The following DSCAM variants were observed in gnomAD, a reference collection of about 807,000 sequenced individuals.
DSCAM encodes the protein cell adhesion molecule DSCAM.
Under a neutral mutation model 217.7 loss-of-function variants are expected in DSCAM, and 47 were observed. The observed-to-expected ratio is 0.22, with a 90% CI of 0.17 to 0.28. The LOEUF (loss-of-function observed/expected upper bound fraction) is 0.28, where lower values mean the gene tolerates loss of function less well. Ranked by LOEUF, DSCAM falls within the 10% of genes least tolerant of loss-of-function variation. The pLI is 1.00. For synonymous variants in DSCAM, 1,056 were observed against 1,015.3 expected (o/e 1.04, Z -0.76); for missense variants, 2,080 against 2,618.3 (o/e 0.79, Z 4.49).
chr21:40,186,565 A>C (rs1333348554), intron 14 of DSCAM, among the ~76,000 whole-genome samples: 1 of 152,150 alleles, frequency 6.6e-6, no homozygotes, highest in African/African-American at 2.4e-5. Flanking sequence ...GGTCAGTTTT[A>C]TTTATGGGCT....
Position 40,667,737 on chromosome 21 carries a change from T to C in DSCAM, c.508+25073A>G, listed in dbSNP as rs1430110707. 3.3e-5 allele frequency among the ~76,000 whole-genome samples: 5 copies of C among 152,324 alleles called. No individual in the cohort carries two copies. The East Asian group carries it at 9.7e-4, about 29-fold the overall frequency. The stretch of plus-strand genomic sequence containing the variant: ...GCTTTTGCTTGGCACTTGTCTCTCC[T>C]GTCGCCATGTGAAGAAGGATGTGTT... On this transcript the variant is annotated intron_variant, in intron 3 of 32. Transcript: ENST00000400454.
chr21:40,197,130 C>T lies in DSCAM; in HGVS notation c.2357-7892G>A, dbSNP rs984703642. ...AATTTCTTTCTTTCTTTCTTTTTTT[C>T]TTTTTTGAGACGGAGTCTTGCTCTG... On this transcript the variant is annotated intron_variant, in intron 11 of 32. Transcript: ENST00000400454. Among the ~76,000 whole-genome samples the T allele has an allele frequency of 3.5e-3, 432 of 123,900 alleles. 1 individual carries two copies. The highest frequency in any genetic ancestry group is 0.022 in the African/African-American group (409 of 18,910). 81.3% of individuals were successfully genotyped at this position (123,900 alleles called of 152,430 possible).
chr21:40,543,341 C>T (rs1481959264), intron 3 of DSCAM, among the ~76,000 whole-genome samples: 1 of 152,170 alleles, frequency 6.6e-6, no homozygotes, highest in African/African-American at 2.4e-5. Context: ...GTTATGATGG[C>T]CACTGGGATC....
intron 27 of DSCAM, among the ~76,000 whole-genome samples, chr21:40,064,621 T>TAAC (rs1186615701): frequency 6.6e-6 from 1 of 152,124 alleles, no homozygotes; most frequent in East Asian, 1.9e-4. Flanking sequence ...TCCCTAAACC[T>TAAC]AACACTGACC....
chr21:40,148,701 C>T (rs1011019586), intron 16 of DSCAM, among the ~76,000 whole-genome samples: 1 of 152,082 alleles, frequency 6.6e-6, no homozygotes, highest in African/African-American at 2.4e-5. Context: ...GTCCCCCACA[C>T]AGCCAAGCCA....
chr21:40,065,893 A>T (rs1032228300), intron 27 of DSCAM, among the ~76,000 whole-genome samples: 1 of 152,212 alleles, frequency 6.6e-6, no homozygotes, highest in Non-Finnish European at 1.5e-5. Flanking sequence ...ATTAGCACAG[A>T]GAACCCACCT....
rs563855200 is a variant in DSCAM at position 40,304,793 on chromosome 21, T to G, written c.2062+7288A>C. On this transcript the variant is annotated intron_variant, in intron 9 of 32. Coordinates refer to ENST00000400454, the MANE Select transcript of DSCAM (RefSeq NM_001389.5). ...TGAGAAATGGAGACTGGGAAATGGT[T>G]GGTTAGTAGAGTGGTCAGAACACAC... Among the ~76,000 whole-genome samples the G allele has an allele frequency of 4.3e-4, 65 of 152,308 alleles. 1 individual carries two copies. The South Asian group carries it at 0.013, about 32-fold the overall frequency.
At chr21:40,304,960 A>C (rs1035270222) in intron 9 of DSCAM, among the ~76,000 whole-genome samples, 1 of 152,222 alleles carries the variant, frequency 6.6e-6, no homozygotes, top group African/African-American at 2.4e-5. Context: ...CAAATGTTGC[A>C]AGAATTACCA....
At chr21:40,244,923 T>C (rs1374161524) in intron 11 of DSCAM, among the ~76,000 whole-genome samples, 1 of 152,164 alleles carries the variant, frequency 6.6e-6, no homozygotes, top group Non-Finnish European at 1.5e-5. Flanking sequence ...ACAGTGCTCA[T>C]TTCCGCCGAC....
Position 40,090,228 on chromosome 21 carries a change from G to A in DSCAM, c.3851-2941C>T, listed in dbSNP as rs552570290. Among the ~76,000 whole-genome samples the A allele has an allele frequency of 1.1e-3, 166 of 152,122 alleles. 1 individual carries two copies. Among genetic ancestry groups the A allele is most frequent in the Non-Finnish European group, 2.0e-3 (138 of 68,004 alleles). On this transcript the variant is annotated intron_variant, in intron 21 of 32. Coordinates refer to ENST00000400454, the MANE Select transcript of DSCAM (RefSeq NM_001389.5). ...TCTCCCTCTCTACTGGGATCTTCCC[G>A]TTACCACATAAACATGCTCTGATGG...
chr21:40,544,696 G>C (rs2076567562), intron 3 of DSCAM, among the ~76,000 whole-genome samples: 1 of 152,162 alleles, frequency 6.6e-6, no homozygotes, highest in Non-Finnish European at 1.5e-5. Flanking sequence ...GGAACTGTGA[G>C]AATAATTTTT....
At chr21:40,369,644 AG>A (rs2074874419) in intron 3 of DSCAM, among the ~76,000 whole-genome samples, 1 of 152,164 alleles carries the variant, frequency 6.6e-6, no homozygotes, top group South Asian at 2.1e-4. Context: ...TGACAAATTA[AG>A]GGAATATTAA....
chr21:40,108,567 C>T (rs1397677956), intron 20 of DSCAM, among the ~76,000 whole-genome samples: 3 of 152,144 alleles, frequency 2.0e-5, no homozygotes, highest in African/African-American at 7.2e-5. Context: ...CTGAAAATGG[C>T]TATACTACCC....
chr21:40,836,168 A>T (rs573841529), intron 1 of DSCAM, among the ~76,000 whole-genome samples: 22 of 152,158 alleles, frequency 1.4e-4, no homozygotes, highest in African/African-American at 5.1e-4. Context: ...GAGTTACCCA[A>T]ATGGTTTCCC....
chr21:40,661,235 G>A (rs764134075), intron 3 of DSCAM, among the ~76,000 whole-genome samples: 15 of 152,126 alleles, frequency 9.9e-5, no homozygotes, highest in Admixed American at 5.9e-4. Flanking sequence ...TCACAAATAC[G>A]TTGCAGAGGT....
At chr21:40,687,824 C>T (rs568181560) in intron 3 of DSCAM, among the ~76,000 whole-genome samples, 5 of 152,178 alleles carry the variant, frequency 3.3e-5, no homozygotes, top group Non-Finnish European at 7.3e-5. Context: ...AGGAATCTCC[C>T]CAAGCATCTC....
chr21:40,236,368 A>G (rs1215498033), intron 11 of DSCAM, among the ~76,000 whole-genome samples: 1 of 152,200 alleles, frequency 6.6e-6, no homozygotes, highest in Non-Finnish European at 1.5e-5. Context: ...TAAGGTCACC[A>G]TAGCCCAGGG....
At position 40,044,239 on chromosome 21, in the gene DSCAM, G is replaced by C. The variant is rs1249954258; in HGVS notation, c.5222C>G (p.Thr1741Arg). ...TTRRNAKAGPTARNRYASQWT... is the reference protein window; with the variant it reads ...TTRRNAKAGPRARNRYASQWT... ...CTGGCTGGCATAGCGGTTTCTCGCT[G>C]TGGGCCCAGCCTTGGCATTCCTCCT... The change falls in exon 31 of 33, where the codon ACA becomes AGA. Residue 1741 changes from threonine to arginine, a missense_variant. Physicochemically the swap from Thr to Arg is moderately conservative, Grantham distance 71. Coordinates refer to ENST00000400454, the MANE Select transcript of DSCAM (RefSeq NM_001389.5). 1 of 1,614,172 alleles carries C rather than the reference G, an allele frequency of 6.2e-7. No homozygotes were observed. The highest frequency in any genetic ancestry group is 1.3e-5 in the African/African-American group (1 of 75,060).
At chr21:40,250,917 T>A (rs1387298740) in intron 11 of DSCAM, among the ~76,000 whole-genome samples, 2 of 152,226 alleles carry the variant, frequency 1.3e-5, no homozygotes, top group Non-Finnish European at 2.9e-5. Flanking sequence ...CTTCTTGGCG[T>A]CTTTCCCTGC....
Sources: gnomAD v4.1 joint callset for allele counts (sites outside exome capture counted in the v4.1 genomes callset) on GRCh38, gnomAD v4.1.1 for gene constraint, MANE v1.5 for transcripts, NCBI Gene and HGNC (gene_info 2026-07-23, HGNC 2026-07-21) for gene names.